MICAL2: variants seen among roughly 807,000 people sequenced by gnomAD.
MICAL2 encodes the protein microtubule associated monooxygenase, calponin and LIM domain containing 2.
MICAL2 carries 77 observed loss-of-function variants against 127.3 expected under a neutral mutation model. The ratio of observed to expected loss-of-function variants is 0.60; its 90% CI spans 0.50 to 0.73. The LOEUF (loss-of-function observed/expected upper bound fraction) is 0.73, where lower values mean the gene tolerates loss of function less well. Among genes scored for constraint, MICAL2 ranks in the 30% least tolerant of loss-of-function variants. The pLI is 0.00. For missense variants in MICAL2, 1,351 were observed against 1,434.4 expected, an observed-to-expected ratio of 0.94 and a Z score of 0.94; for synonymous variants, 570 against 551.1, an observed-to-expected ratio of 1.03 and a Z score of -0.48.
chr11:12,194,148 C>A (rs1213215373), intron 3 of MICAL2, among the ~76,000 whole-genome samples: 1 of 152,170 alleles, frequency 6.6e-6, no homozygotes, highest in Non-Finnish European at 1.5e-5. Context: ...TGCTTGCAGT[C>A]CTGCCTGGAG....
downstream of MICAL2, chr11:12,292,129 T>G (rs778550192): frequency 1.9e-6 from 3 of 1,611,674 alleles, no homozygotes; most frequent in Admixed American, 1.7e-5. Context: ...AAGAGTGTGT[T>G]CTTTCCTTGG....
intron 3 of MICAL2, among the ~76,000 whole-genome samples, chr11:12,172,196 G>A (rs1042954511): frequency 2.0e-5 from 3 of 152,162 alleles, no homozygotes; most frequent in East Asian, 1.9e-4. Context: ...TCTTTATCAC[G>A]CAGGCAAAAG....
intron 4 of MICAL2, chr11:12,207,745 T>C (rs767085292): frequency 1.9e-5 from 6 of 309,242 alleles, no homozygotes; most frequent in Non-Finnish European, 3.0e-5. Context: ...GGGTCCATGT[T>C]CTAGCTTTGC....
chr11:12,227,177 C>T (rs376360466), intron 15 of MICAL2, 46 bp downstream of exon 15: 199 of 1,348,780 alleles, frequency 1.5e-4, no homozygotes, highest in African/African-American at 1.4e-3. Context: ...TGCACATGGA[C>T]GGGGTATGAG....
downstream of MICAL2, among the ~76,000 whole-genome samples, chr11:12,288,027 C>T (rs988258144): frequency 6.6e-6 from 1 of 152,224 alleles, no homozygotes; most frequent in East Asian, 1.9e-4. Flanking sequence ...TTCCTTCCTT[C>T]TGAGTCAAGG....
downstream of MICAL2, among the ~76,000 whole-genome samples, chr11:12,360,515 A>G (rs1188065304): frequency 6.6e-6 from 1 of 152,230 alleles, no homozygotes; most frequent in Non-Finnish European, 1.5e-5. Flanking sequence ...ATATGCAGCA[A>G]TATTCAGGCC....
chr11:12,328,191 C>T (rs1231429805), intron 32 of MICAL2, among the ~76,000 whole-genome samples: 1 of 152,210 alleles, frequency 6.6e-6, no homozygotes, highest in Non-Finnish European at 1.5e-5. Flanking sequence ...CATTAAAACA[C>T]TGGGTCTGTA....
intron 29 of MICAL2, among the ~76,000 whole-genome samples, chr11:12,297,392 A>G (rs1304417636): frequency 6.6e-6 from 1 of 152,070 alleles, no homozygotes; most frequent in Non-Finnish European, 1.5e-5. Flanking sequence ...TCTTAATAGT[A>G]TGTAGGGATT....
At chr11:12,336,388 G>A (rs573522474) in intron 32 of MICAL2, among the ~76,000 whole-genome samples, 65 of 152,306 alleles carry the variant, frequency 4.3e-4, no homozygotes, top group African/African-American at 1.5e-3. Context: ...ATACAATCAT[G>A]TCATCTGCAA....
At chr11:12,309,650 C>T (rs1590732080) in intron 29 of MICAL2, among the ~76,000 whole-genome samples, 1 of 152,176 alleles carries the variant, frequency 6.6e-6, no homozygotes, top group East Asian at 1.9e-4. Flanking sequence ...GTAGGTGTCT[C>T]TTCAATATAC....
rs183349689 is a variant in MICAL2, at chr11:12,328,742, A to G, written c.5515+1476A>G. The stretch of plus-strand genomic sequence containing the variant: ...AATAATGTGCAATAATATAAACAAC[A>G]GGTTACTTGTTACTTAACAAGTGAA... On this transcript the variant is annotated intron_variant, in intron 32 of 34. Coordinates refer to the MICAL2 transcript ENST00000646065. 2.5e-3 allele frequency among the ~76,000 whole-genome samples: 384 copies of G among 152,366 alleles called. 3 individuals are homozygous for G. The highest frequency in any genetic ancestry group is 0.01 in the Middle Eastern group (3 of 294).
intron 3 of MICAL2, among the ~76,000 whole-genome samples, chr11:12,176,769 G>A (rs1488140359): frequency 6.6e-6 from 1 of 152,110 alleles, no homozygotes; most frequent in African/African-American, 2.4e-5. Context: ...TTAGCATAAT[G>A]TCTTCAAGGT....
intron 27 of MICAL2, 155 bp downstream of exon 27, chr11:12,262,692 G>A: frequency 1.5e-6 from 1 of 680,976 alleles, no homozygotes; most frequent in Admixed American, 2.3e-5. Context: ...TAACAGCATG[G>A]CGGGGGGTGT....
intron 2 of MICAL2, chr11:12,281,161 G>A (rs961989063): frequency 2.5e-6 from 1 of 398,834 alleles, no homozygotes; most frequent in East Asian, 3.6e-5. Context: ...GACCCCCACA[G>A]CTGAATTTCC....
At chr11:12,207,906 T>C in intron 4 of MICAL2, 117 bp from the exon 5 acceptor site, 1 of 767,946 alleles carries the variant, frequency 1.3e-6, no homozygotes, top group Non-Finnish European at 2.3e-6. Context: ...GTAATGATCA[T>C]TGTTGGTATA....
intron 34 of MICAL2, chr11:12,354,963 A>G: frequency 9.5e-7 from 1 of 1,050,608 alleles, no homozygotes; most frequent in Non-Finnish European, 1.4e-6. Flanking sequence ...GCCAGCCTGC[A>G]AGTTAGAGGA....
chr11:12,166,662 T>C (rs895661112), intron 3 of MICAL2, among the ~76,000 whole-genome samples: 2 of 152,222 alleles, frequency 1.3e-5, no homozygotes, highest in East Asian at 1.9e-4. Context: ...TTGTAAAGTG[T>C]AGAAGGCTGT....
chr11:12,221,061 C>A (rs186918231), intron 9 of MICAL2, among the ~76,000 whole-genome samples: 1 of 152,326 alleles, frequency 6.6e-6, no homozygotes, highest in East Asian at 1.9e-4. Flanking sequence ...GCAGATTAGT[C>A]AGCACTCAGC....
intron 4 of MICAL2, chr11:12,207,786 T>C: frequency 2.3e-6 from 1 of 433,704 alleles, no homozygotes; most frequent in Non-Finnish European, 4.1e-6. Flanking sequence ...TCATTTAACT[T>C]TGTTAAGCCT....
Sources: allele counts gnomAD v4.1 joint callset (sites outside exome capture counted in the v4.1 genomes callset), GRCh38; gene constraint gnomAD v4.1.1; transcripts MANE v1.5; gene names NCBI Gene and HGNC (gene_info 2026-07-23, HGNC 2026-07-21).